Variants in PPM1H observed in about 807,000 individuals in gnomAD.
The protein encoded by PPM1H is protein phosphatase 1H.
PPM1H carries 27 observed loss-of-function variants against 54.9 expected under a neutral mutation model. The observed-to-expected ratio is 0.49, with a 90% CI of 0.36 to 0.68. The LOEUF (loss-of-function observed/expected upper bound fraction) is 0.68. Among genes scored for constraint, PPM1H ranks in the 30% least tolerant of loss-of-function variants. PPM1H has a pLI of 0.00. For synonymous variants in PPM1H, 305 were observed against 270.8 expected, an observed-to-expected ratio of 1.13 and a Z score of -1.24; for missense variants, 596 against 667.8, an observed-to-expected ratio of 0.89 and a Z score of 1.19.
chr12:62,819,347 T>A (rs970032058), intron 2 of PPM1H, among the ~76,000 whole-genome samples: 15 of 147,396 alleles, frequency 1.0e-4, no homozygotes, highest in Non-Finnish European at 2.2e-4. Flanking sequence ...CAGGCTTGTC[T>A]TGAACTCCTG....
intron 1 of PPM1H, among the ~76,000 whole-genome samples, chr12:62,877,654 C>T (rs889692636): frequency 2.0e-5 from 3 of 152,054 alleles, no homozygotes; most frequent in African/African-American, 7.2e-5. Flanking sequence ...CGGCAGATAT[C>T]CCCTCTCAGA....
At chr12:62,771,295 G>GAGACAC (rs1293617610) in intron 4 of PPM1H, among the ~76,000 whole-genome samples, 2 of 131,876 alleles carry the variant, frequency 1.5e-5, no homozygotes, top group African/African-American at 5.6e-5. Context: ...ACTTTGTGAA[G>GAGACAC]ACACACACAC....
chr12:62,863,326 G>T (rs1391383920), intron 1 of PPM1H, among the ~76,000 whole-genome samples: 1 of 152,114 alleles, frequency 6.6e-6, no homozygotes, highest in African/African-American at 2.4e-5. Context: ...ACTGTGCCTG[G>T]CCCAGAGCTG....
At chr12:62,702,072 AT>A (rs1565761630) in intron 6 of PPM1H, among the ~76,000 whole-genome samples, 1 of 152,152 alleles carries the variant, frequency 6.6e-6, no homozygotes, top group Non-Finnish European at 1.5e-5. Flanking sequence ...CTCTAAAGAT[AT>A]CCCCCATTCA....
intron 4 of PPM1H, among the ~76,000 whole-genome samples, chr12:62,756,803 A>T (rs542598807): frequency 6.6e-6 from 1 of 152,306 alleles, no homozygotes; most frequent in Non-Finnish European, 1.5e-5. Flanking sequence ...CAGCCTCTAT[A>T]GTAAGCTGCA....
intron 9 of PPM1H, chr12:62,658,835 C>T: frequency 1.8e-6 from 1 of 551,910 alleles, no homozygotes; most frequent in East Asian, 4.0e-5. Flanking sequence ...CAACTTCAGA[C>T]TCCTTGTGGA....
At chr12:62,701,434 G>A (rs1421878258) in intron 6 of PPM1H, among the ~76,000 whole-genome samples, 1 of 152,162 alleles carries the variant, frequency 6.6e-6, no homozygotes, top group Admixed American at 6.5e-5. Flanking sequence ...TGTCTTTGTG[G>A]CAATTTTATA....
intron 4 of PPM1H, among the ~76,000 whole-genome samples, chr12:62,780,822 C>T (rs953305963): frequency 1.3e-5 from 2 of 152,194 alleles, no homozygotes; most frequent in Admixed American, 6.5e-5. Context: ...GCCTTGGGTT[C>T]TCTACTACAA....
intron 9 of PPM1H, among the ~76,000 whole-genome samples, chr12:62,653,683 C>A (rs1376615811): frequency 2.0e-5 from 3 of 152,108 alleles, no homozygotes; most frequent in Non-Finnish European, 4.4e-5. Context: ...CCTGGGTTAT[C>A]CAAAGAGATT....
Position 62,847,950 on chromosome 12 carries a change from T to G in PPM1H, c.246-15671A>C, listed in dbSNP as rs554025439. Among the ~76,000 whole-genome samples the G allele has an allele frequency of 7.9e-5, 12 of 152,304 alleles. No individual in the cohort carries two copies. The South Asian group carries it at 2.5e-3, about 32-fold the overall frequency. ...TAACTGTTTACCTTCCTTATTGCAT[T>G]TTAATCTAGAGATTAAAATAGATCT... On this transcript the variant is annotated intron_variant, in intron 1 of 9. Transcript: ENST00000228705.
At chr12:62,719,346 G>T (rs534097599) in intron 6 of PPM1H, among the ~76,000 whole-genome samples, 2 of 152,090 alleles carry the variant, frequency 1.3e-5, no homozygotes, top group African/African-American at 4.8e-5. Flanking sequence ...GGGAAGAAAG[G>T]GTCCATGGTC....
intron 4 of PPM1H, among the ~76,000 whole-genome samples, chr12:62,787,040 C>G (rs2076676080): frequency 6.6e-6 from 1 of 152,178 alleles, no homozygotes; most frequent in South Asian, 2.1e-4. Context: ...TCGGTTTGCT[C>G]CTTGTTCTCT....
chr12:62,866,595 C>G (rs1219226323), intron 1 of PPM1H, among the ~76,000 whole-genome samples: 1 of 152,110 alleles, frequency 6.6e-6, no homozygotes, highest in Non-Finnish European at 1.5e-5. Context: ...AACTGGCCAA[C>G]CACAGGAGTG....
At chr12:62,830,152 T>C (rs1400854541) in intron 2 of PPM1H, among the ~76,000 whole-genome samples, 1 of 152,232 alleles carries the variant, frequency 6.6e-6, no homozygotes, top group African/African-American at 2.4e-5. Context: ...TTAAGACACA[T>C]GCTCAACATT....
At chr12:62,794,861 G>T (rs1459003045) in intron 3 of PPM1H, among the ~76,000 whole-genome samples, 2 of 152,170 alleles carry the variant, frequency 1.3e-5, no homozygotes, top group South Asian at 2.1e-4. Context: ...TGACAAAACA[G>T]AGCTAAGCCA....
intron 8 of PPM1H, among the ~76,000 whole-genome samples, chr12:62,673,035 C>G (rs375650056): frequency 6.6e-6 from 1 of 152,178 alleles, no homozygotes; most frequent in Non-Finnish European, 1.5e-5. Flanking sequence ...ACTTCCAAAT[C>G]GTCAAACAAA....
intron 5 of PPM1H, among the ~76,000 whole-genome samples, chr12:62,722,800 T>C (rs1172369094): frequency 1.3e-5 from 2 of 152,180 alleles, no homozygotes; most frequent in Non-Finnish European, 2.9e-5. Context: ...ACAGAGAATA[T>C]GCAATGACAC....
intron 9 of PPM1H, among the ~76,000 whole-genome samples, chr12:62,662,146 A>G (rs12812936): frequency 0.63 from 95,651 of 152,102 alleles, 30,509 homozygotes; most frequent in Middle Eastern, 0.76. Flanking sequence ...ACTCCTTGGC[A>G]TACAGATTTA....
At chr12:62,874,227 G>A (rs1870085884) in intron 1 of PPM1H, among the ~76,000 whole-genome samples, 1 of 152,204 alleles carries the variant, frequency 6.6e-6, no homozygotes. Context: ...ATTGCAGGGA[G>A]ATAAGAGTGA....
Sources: allele counts gnomAD v4.1 joint callset (sites outside exome capture counted in the v4.1 genomes callset), GRCh38; gene constraint gnomAD v4.1.1; transcripts MANE v1.5; gene names NCBI Gene and HGNC (gene_info 2026-07-23, HGNC 2026-07-21).